The following SLX4IP variants were observed in gnomAD, a reference collection of about 807,000 sequenced individuals.
SLX4IP encodes the protein SLX4 interacting protein.
SLX4IP carries 34 observed loss-of-function variants against 32.9 expected under a neutral mutation model. The ratio of observed to expected loss-of-function variants is 1.03; its 90% CI spans 0.79 to 1.38. SLX4IP has a LOEUF of 1.38. SLX4IP is among the 40% of genes most tolerant of loss of function. SLX4IP has a pLI of 0.00. For missense variants in SLX4IP, 444 were observed against 479.0 expected (o/e 0.93, Z 0.68); for synonymous variants, 172 against 171.7 (o/e 1.00, Z -0.01).
At chr20:10,580,591 T>A (rs1600125423) in intron 4 of SLX4IP, among the ~76,000 whole-genome samples, 1 of 151,690 alleles carries the variant, frequency 6.6e-6, no homozygotes, top group African/African-American at 2.4e-5. Flanking sequence ...AACTCCTCTG[T>A]CTCTCCCTCT....
At chr20:10,507,884 G>A (rs1461931981) in intron 2 of SLX4IP, among the ~76,000 whole-genome samples, 2 of 149,340 alleles carry the variant, frequency 1.3e-5, no homozygotes, top group South Asian at 2.2e-4. Flanking sequence ...CATACAAGGA[G>A]CAGAGGGATA....
intron 2 of SLX4IP, among the ~76,000 whole-genome samples, chr20:10,460,035 T>C (rs1041421949): frequency 6.6e-6 from 1 of 152,222 alleles, no homozygotes; most frequent in Non-Finnish European, 1.5e-5. Context: ...CTAACATATT[T>C]ATAAATTTCA....
chr20:10,498,731 T>C (rs2065691119), intron 2 of SLX4IP, among the ~76,000 whole-genome samples: 1 of 151,600 alleles, frequency 6.6e-6, no homozygotes, highest in African/African-American at 2.4e-5. Flanking sequence ...TGATTATACC[T>C]GACACTCTAT....
Position 10,627,620 on chromosome 20 carries a change from T to C in SLX4IP, c.*4241T>C, listed in dbSNP as rs1000434838. The C allele has an allele frequency of 6.6e-6, 1 of 152,244 alleles. No individual in the cohort carries two copies. The highest frequency in any genetic ancestry group is 2.1e-4 in the South Asian group (1 of 4,832). 9.4% of individuals were successfully genotyped at this position (152,244 alleles called of 1,614,324 possible). A position where few individuals can be genotyped will look rare whatever the true frequency, so the allele number is the denominator to read the frequency against. On this transcript the variant is annotated 3_prime_UTR_variant, in exon 8 of 8. Transcript: ENST00000334534. ...GAATGGATAAAATTATCTTTAATTA[T>C]CTAGAGCTACCCAGTACTGGGCTTG...
At chr20:10,438,192 C>A (rs995421832) in intron 1 of SLX4IP, among the ~76,000 whole-genome samples, 1 of 150,582 alleles carries the variant, frequency 6.6e-6, no homozygotes, top group African/African-American at 2.4e-5. Context: ...GATATAAACA[C>A]AATATACCAG....
At position 10,626,640 on chromosome 20, in the gene SLX4IP, CTG is replaced by C. The variant is rs1162569155; in HGVS notation, c.*3263_*3264del. On this transcript the variant is annotated 3_prime_UTR_variant, in exon 8 of 8. Coordinates refer to ENST00000334534, the MANE Select transcript of SLX4IP (RefSeq NM_001009608.3). ...TAAACAAGAAAGGTCTGGGAACAAT[CTG>C]TATGATTTTTCTTTCACATTTTCTT... 1.3e-5 allele frequency: 2 copies of C among 152,114 alleles called. No homozygotes were observed. The highest frequency in any genetic ancestry group is 1.9e-4 in the East Asian group (1 of 5,196). The allele number at this position is 152,114 out of a possible 1,614,324, so 9.4% of individuals were successfully genotyped here.
chr20:10,599,460 C>A (rs1356346249), intron 5 of SLX4IP, among the ~76,000 whole-genome samples: 2 of 151,882 alleles, frequency 1.3e-5, no homozygotes, highest in East Asian at 3.9e-4. Flanking sequence ...GAGACAAGTT[C>A]TCACTCTGTC....
intron 1 of SLX4IP, among the ~76,000 whole-genome samples, chr20:10,441,264 C>T (rs1330901508): frequency 1.3e-5 from 2 of 152,002 alleles, no homozygotes; most frequent in Non-Finnish European, 2.9e-5. Context: ...GGCGAAACCT[C>T]ATCTCTACAA....
intron 1 of SLX4IP, among the ~76,000 whole-genome samples, chr20:10,440,273 G>A (rs1214329529): frequency 6.6e-6 from 1 of 151,860 alleles, no homozygotes; most frequent in Non-Finnish European, 1.5e-5. Context: ...TTGCCAACAT[G>A]GTGAAACCCT....
chr20:10,530,630 C>G (rs998014023), intron 2 of SLX4IP, among the ~76,000 whole-genome samples: 2 of 152,220 alleles, frequency 1.3e-5, no homozygotes, highest in Non-Finnish European at 2.9e-5. Flanking sequence ...GAGCCTGCCA[C>G]TGAGAAGCAA....
intron 6 of SLX4IP, among the ~76,000 whole-genome samples, chr20:10,611,892 A>T (rs1204491129): frequency 1.3e-5 from 2 of 152,214 alleles, no homozygotes; most frequent in African/African-American, 4.8e-5. Context: ...CTATAAGTCC[A>T]TATCTAACCA....
At chr20:10,453,669 C>T (rs567997676) in intron 1 of SLX4IP, among the ~76,000 whole-genome samples, 37 of 152,150 alleles carry the variant, frequency 2.4e-4, no homozygotes, top group African/African-American at 8.4e-4. Flanking sequence ...TTTCTTTGGG[C>T]GGTTTGGAAC....
chr20:10,447,195 C>G (rs939356885), intron 1 of SLX4IP, among the ~76,000 whole-genome samples: 15 of 152,166 alleles, frequency 9.9e-5, no homozygotes, highest in African/African-American at 3.6e-4. Context: ...AGTGCTGCTC[C>G]CAGCATGCAT....
intron 6 of SLX4IP, chr20:10,613,104 C>T (rs1357488551): frequency 1.8e-5 from 6 of 324,406 alleles, no homozygotes; most frequent in Admixed American, 4.7e-5. Context: ...TCGCAGAAAG[C>T]GGCATGAACA....
chr20:10,572,631 T>C (rs1443938756), intron 4 of SLX4IP, among the ~76,000 whole-genome samples: 1 of 152,184 alleles, frequency 6.6e-6, no homozygotes, highest in East Asian at 1.9e-4. Context: ...TTCTTGTAGT[T>C]AACATCTAAG....
chr20:10,615,198 C>T (rs1488474237), intron 6 of SLX4IP, among the ~76,000 whole-genome samples: 2 of 152,128 alleles, frequency 1.3e-5, no homozygotes, highest in African/African-American at 4.8e-5. Flanking sequence ...TTGCACTTCT[C>T]CCTTGACCCC....
chr20:10,623,000 C>A lies in SLX4IP; in HGVS notation c.848C>A (p.Pro283Gln), dbSNP rs1319034325. ...VCSCESASPC[P>Q]KQSPRVAKTQ... is the part of the protein sequence containing the mutation. Reference sequence around the variant, plus strand: ...AGCTGTGAGTCAGCATCACCATGTCCAAAACAAAGTCCACGAGTGGCCAAA... The same window carrying A: ...AGCTGTGAGTCAGCATCACCATGTCAAAAACAAAGTCCACGAGTGGCCAAA... Residue 283 changes from proline to glutamine, a missense_variant, in exon 8 of 8, where the codon CCA (proline) becomes CAA (glutamine). Pro to Gln is a moderately conservative substitution (Grantham distance 76). Transcript: ENST00000334534. 2 of 1,614,182 alleles carry A rather than the reference C, an allele frequency of 1.2e-6. No individual in the cohort carries two copies. Among genetic ancestry groups the A allele is most frequent in the South Asian group, 2.2e-5 (2 of 91,082 alleles).
In SLX4IP at chr20:10,551,554, A is replaced by T. The variant is rs145830510; in HGVS notation, c.28-4677A>T. On this transcript the variant is annotated intron_variant, in intron 2 of 7. Coordinates refer to ENST00000334534, the MANE Select transcript of SLX4IP (RefSeq NM_001009608.3). ...GCTGGTAGTGTGTTGGTCACTGGGG[A>T]TGCAAGATTGGCAGAGGTATAGACC... Among the ~76,000 whole-genome samples the T allele has an allele frequency of 5.1e-4, 77 of 152,208 alleles. No individual in the cohort carries two copies. The Middle Eastern group carries it at 0.014, about 27-fold the overall frequency.
In SLX4IP at chr20:10,628,006, T is replaced by A. The variant is rs1240991813; in HGVS notation, c.*4627T>A. 6.6e-6 allele frequency: 1 copy of A among 152,244 alleles called. No individual in the cohort carries two copies. The highest frequency in any genetic ancestry group is 1.5e-5 in the Non-Finnish European group (1 of 68,040). 9.4% of individuals were successfully genotyped at this position (152,244 alleles called of 1,614,324 possible). On this transcript the variant is annotated 3_prime_UTR_variant, in exon 8 of 8. Coordinates refer to ENST00000334534, the MANE Select transcript of SLX4IP (RefSeq NM_001009608.3). Reference sequence around the variant, plus strand: ...TAATAGAAATGTACTGTTTTATGAATAAGGAGTAAAATTGTTTTAAAAAAT... The same window carrying A: ...TAATAGAAATGTACTGTTTTATGAAAAAGGAGTAAAATTGTTTTAAAAAAT...
Sources: allele counts gnomAD v4.1 joint callset (sites outside exome capture counted in the v4.1 genomes callset), GRCh38; gene constraint gnomAD v4.1.1; transcripts MANE v1.5; gene names NCBI Gene and HGNC (gene_info 2026-07-23, HGNC 2026-07-21).